The following ADGRL3 variants were observed in gnomAD, a reference collection of about 807,000 sequenced individuals.
ADGRL3 encodes calcium-independent alpha-latrotoxin receptor 3.
A neutral mutation model predicts 153.5 loss-of-function variants in ADGRL3; 62 were observed. The observed-to-expected ratio is 0.40, with a 90% confidence interval of 0.33 to 0.50. ADGRL3 has a LOEUF of 0.50. ADGRL3 is among the 20% of genes least tolerant of loss of function. The pLI is 0.47. For synonymous variants in ADGRL3, 710 were observed against 672.5 expected (o/e 1.06, Z -0.86); for missense variants, 1,641 against 1,859.4 (o/e 0.88, Z 2.16).
chr4:61,956,509 T>G (rs951556760), intron 17 of ADGRL3, among the ~76,000 whole-genome samples: 2 of 152,186 alleles, frequency 1.3e-5, no homozygotes, highest in Non-Finnish European at 2.9e-5. Flanking sequence ...TGATGATTGT[T>G]TCTTTCACTG....
intron 17 of ADGRL3, among the ~76,000 whole-genome samples, chr4:61,972,229 G>A (rs2099030867): frequency 6.6e-6 from 1 of 152,190 alleles, no homozygotes; most frequent in Middle Eastern, 3.4e-3. Context: ...TGAAGTCCTT[G>A]CCCATATCTA....
At chr4:61,763,993 T>G (rs539652894) in intron 8 of ADGRL3, among the ~76,000 whole-genome samples, 56 of 152,310 alleles carry the variant, frequency 3.7e-4, no homozygotes, top group African/African-American at 1.3e-3. Flanking sequence ...ACCAACCATA[T>G]TAAACTAATC....
intron 9 of ADGRL3, among the ~76,000 whole-genome samples, chr4:61,822,084 A>C (rs563577462): frequency 6.6e-6 from 1 of 152,320 alleles, no homozygotes; most frequent in Non-Finnish European, 1.5e-5. Context: ...TGATTAGCAG[A>C]CATTACAGGG....
chr4:61,561,726 T>G (rs2098795898), intron 4 of ADGRL3, among the ~76,000 whole-genome samples: 1 of 152,142 alleles, frequency 6.6e-6, no homozygotes, highest in African/African-American at 2.4e-5. Context: ...ATTTATAACC[T>G]ATAAATCTCA....
At chr4:61,742,770 C>G (rs1266207171) in intron 8 of ADGRL3, among the ~76,000 whole-genome samples, 1 of 152,058 alleles carries the variant, frequency 6.6e-6, no homozygotes, top group Admixed American at 6.6e-5. Context: ...ATCTACTATA[C>G]TATATAATTT....
chr4:61,399,433 G>T (rs2096904722), intron 2 of ADGRL3, among the ~76,000 whole-genome samples: 1 of 151,538 alleles, frequency 6.6e-6, no homozygotes, highest in Non-Finnish European at 1.5e-5. Flanking sequence ...ATCAGACAAT[G>T]ATATATAACA....
intron 1 of ADGRL3, among the ~76,000 whole-genome samples, chr4:61,288,280 A>G (rs897995903): frequency 1.3e-5 from 2 of 151,946 alleles, no homozygotes; most frequent in African/African-American, 4.8e-5. Context: ...ATAACAGAAA[A>G]CCAAGCTAAC....
At chr4:61,491,818 A>G (rs2098260996) in intron 2 of ADGRL3, among the ~76,000 whole-genome samples, 1 of 152,180 alleles carries the variant, frequency 6.6e-6, no homozygotes, top group Admixed American at 6.6e-5. Context: ...GTTACTATAA[A>G]TTAATTTTAT....
At chr4:61,969,308 A>G (rs1035372042) in intron 17 of ADGRL3, among the ~76,000 whole-genome samples, 1 of 151,100 alleles carries the variant, frequency 6.6e-6, no homozygotes, top group Non-Finnish European at 1.5e-5. Context: ...GTGGGAGGAG[A>G]TAAAAAATGG....
intron 5 of ADGRL3, among the ~76,000 whole-genome samples, chr4:61,646,072 G>C (rs1418034520): frequency 6.6e-6 from 1 of 151,972 alleles, no homozygotes. Context: ...TCCAGTTGAT[G>C]GCATCGGCTC....
At chr4:61,579,821 A>G (rs773430925) in intron 4 of ADGRL3, among the ~76,000 whole-genome samples, 1 of 152,108 alleles carries the variant, frequency 6.6e-6, no homozygotes, top group Non-Finnish European at 1.5e-5. Context: ...AATTATATGT[A>G]TTCTTTTTTG....
chr4:61,536,781 C>T (rs1175772354), intron 4 of ADGRL3, among the ~76,000 whole-genome samples: 1 of 152,022 alleles, frequency 6.6e-6, no homozygotes, highest in Non-Finnish European at 1.5e-5. Context: ...GATGTCATTA[C>T]ACATTAGGTA....
At position 61,892,292 on chromosome 4, in the gene ADGRL3, A is replaced by G. The variant is rs572620792; in HGVS notation, c.1481-364A>G. Among the ~76,000 whole-genome samples, 63 of 151,840 alleles carry G rather than the reference A, an allele frequency of 4.1e-4. 1 individual carries two copies. The highest frequency in any genetic ancestry group is 1.8e-3 in the Admixed American group (28 of 15,240). On this transcript the variant is annotated intron_variant, in intron 9 of 26. Transcript: ENST00000683033. The stretch of plus-strand genomic sequence containing the variant: ...AGTTCTCCCTTCTATACAAAGTTTG[A>G]TAATTCTAAGGAGAGGGCTTAAAGT...
At chr4:62,030,614 G>A (rs1012672820) in intron 22 of ADGRL3, among the ~76,000 whole-genome samples, 1 of 151,554 alleles carries the variant, frequency 6.6e-6, no homozygotes, top group South Asian at 2.1e-4. Context: ...GAGTGGGAGT[G>A]AGAACTTGTC....
At chr4:61,686,800 A>T (rs981155971) in intron 6 of ADGRL3, among the ~76,000 whole-genome samples, 3 of 150,700 alleles carry the variant, frequency 2.0e-5, no homozygotes, top group African/African-American at 7.3e-5. Context: ...CTCATTCCTC[A>T]CTCCTCCCCA....
At chr4:61,295,350 A>T (rs2094372891) in intron 1 of ADGRL3, among the ~76,000 whole-genome samples, 1 of 152,132 alleles carries the variant, frequency 6.6e-6, no homozygotes, top group African/African-American at 2.4e-5. Context: ...TGCCTAATTT[A>T]TAAATTTACC....
At chr4:61,889,890 T>A (rs1435773535) in intron 9 of ADGRL3, among the ~76,000 whole-genome samples, 1 of 152,198 alleles carries the variant, frequency 6.6e-6, no homozygotes, top group Non-Finnish European at 1.5e-5. Context: ...TCTTTTCACC[T>A]CCCAGAGAGT....
At chr4:61,670,062 G>A (rs1248709063) in intron 5 of ADGRL3, among the ~76,000 whole-genome samples, 12 of 152,122 alleles carry the variant, frequency 7.9e-5, no homozygotes, top group Admixed American at 2.0e-4. Context: ...CTGGGAGGCC[G>A]AGGCAGGTGG....
rs562893764 is a variant in ADGRL3 at position 61,536,813 on chromosome 4, G to A, written c.259+19295G>A. 5.9e-5 allele frequency among the ~76,000 whole-genome samples: 9 copies of A among 152,060 alleles called. No homozygotes were observed. The South Asian group carries it at 1.9e-3, about 32-fold the overall frequency. ...GGTAGGTCTCTTGTAGACAACAGAT[G>A]GTAGGCTCTTTTTTTTCCCAATTTG... On this transcript the variant is annotated intron_variant, in intron 4 of 26. Transcript: ENST00000683033.
Sources: allele counts gnomAD v4.1 joint callset (sites outside exome capture counted in the v4.1 genomes callset), GRCh38; gene constraint gnomAD v4.1.1; transcripts MANE v1.5; gene names NCBI Gene and HGNC (gene_info 2026-07-23, HGNC 2026-07-21).